PAM: variants seen among roughly 807,000 people sequenced by gnomAD.
The protein encoded by PAM is peptidyl-glycine alpha-amidating monooxygenase.
PAM carries 72 observed loss-of-function variants against 122.1 expected under a neutral mutation model. The ratio of observed to expected loss-of-function variants is 0.59; its 90% CI spans 0.49 to 0.72. PAM has a LOEUF of 0.72. Ranked by LOEUF, PAM falls within the 30% of genes least tolerant of loss-of-function variation. PAM has a pLI of 0.00. For synonymous variants in PAM, 389 were observed against 404.4 expected, an observed-to-expected ratio of 0.96 and a Z score of 0.46; for missense variants, 1,106 against 1,183.7, an observed-to-expected ratio of 0.93 and a Z score of 0.96.
chr5:102,803,124 A>AAAAAG (rs1444997528), intron 1 of PAM, among the ~76,000 whole-genome samples: 1 of 137,742 alleles, frequency 7.3e-6, no homozygotes, highest in East Asian at 2.7e-4. Flanking sequence ...TTCTGTGTCC[A>AAAAAG]AAAAAAAAGA....
At chr5:102,941,832 A>AC (rs1435812265) in intron 7 of PAM, among the ~76,000 whole-genome samples, 1 of 120,434 alleles carries the variant, frequency 8.3e-6, no homozygotes, top group Non-Finnish European at 1.7e-5. Flanking sequence ...TCCAGATGGT[A>AC]CAAAAAAAAA....
Position 102,924,947 on chromosome 5 carries a change from T to G in PAM, c.357-10T>G. 1 of 1,391,154 alleles carries G rather than the reference T, an allele frequency of 7.2e-7. No homozygotes were observed. The highest frequency in any genetic ancestry group is 1.0e-6 in the Non-Finnish European group (1 of 976,526). 86.2% of individuals were successfully genotyped at this position (1,391,154 alleles called of 1,614,324 possible). A position where few individuals can be genotyped will look rare whatever the true frequency, so the allele number is the denominator to read the frequency against. On this transcript the variant is annotated splice_polypyrimidine_tract_variant and intron_variant, in intron 5 of 25. Transcript: ENST00000438793. ...AAATCTTCATTTATACTACTTTTTA[T>G]TTTCTTCAGGTTTTGTGATGAAGGA...
intron 14 of PAM, among the ~76,000 whole-genome samples, chr5:102,967,847 T>C (rs183104892): frequency 8.6e-5 from 13 of 151,482 alleles, no homozygotes; most frequent in Non-Finnish European, 1.5e-5. Flanking sequence ...CTCAGCCTCC[T>C]GAGTAGCTGG....
At chr5:103,005,538 C>A (rs1446374988) in intron 18 of PAM, among the ~76,000 whole-genome samples, 1 of 152,138 alleles carries the variant, frequency 6.6e-6, no homozygotes, top group Non-Finnish European at 1.5e-5. Flanking sequence ...CTCATAGTAT[C>A]CTTGCATGGC....
intron 1 of PAM, among the ~76,000 whole-genome samples, chr5:102,845,759 A>T (rs1398618879): frequency 6.6e-6 from 1 of 152,200 alleles, no homozygotes; most frequent in East Asian, 1.9e-4. Context: ...TAGTGCTTTT[A>T]TCAGGCTTTA....
intron 1 of PAM, among the ~76,000 whole-genome samples, chr5:102,809,925 T>C (rs962046994): frequency 6.6e-6 from 1 of 152,176 alleles, no homozygotes; most frequent in African/African-American, 2.4e-5. Flanking sequence ...TGTTCATTGC[T>C]ATCAGAAAAT....
At chr5:102,994,201 A>G (rs1006843290) in intron 16 of PAM, among the ~76,000 whole-genome samples, 2 of 152,114 alleles carry the variant, frequency 1.3e-5, no homozygotes, top group Non-Finnish European at 2.9e-5. Flanking sequence ...AATTTTTTCA[A>G]TGCTAAGAAA....
At chr5:102,838,844 TA>T (rs1777782354) in intron 1 of PAM, among the ~76,000 whole-genome samples, 1 of 152,164 alleles carries the variant, frequency 6.6e-6, no homozygotes, top group African/African-American at 2.4e-5. Flanking sequence ...CACCTTTAAA[TA>T]TTCTTTAATA....
chr5:102,781,963 G>T (rs1391845951), intron 1 of PAM, among the ~76,000 whole-genome samples: 1 of 152,138 alleles, frequency 6.6e-6, no homozygotes. Flanking sequence ...AGGTCGTAAG[G>T]GTAAGTGGCT....
At chr5:102,920,155 C>T (rs1214627772) in intron 5 of PAM, among the ~76,000 whole-genome samples, 1 of 152,016 alleles carries the variant, frequency 6.6e-6, no homozygotes, top group African/African-American at 2.4e-5. Context: ...TCTGTTTTCT[C>T]ATCTGTAAAA....
chr5:102,924,845 T>C (rs1748869854), intron 5 of PAM, 112 bp from the exon 6 acceptor site: 6 of 666,524 alleles, frequency 9.0e-6, no homozygotes, highest in Non-Finnish European at 1.7e-5. Context: ...AATGATGATA[T>C]ATTGATGTAC....
rs574865925 is a variant in PAM, at chr5:102,784,503, T to G, written c.-374+29155T>G. ...ACTTATTACAAAAGTCACTAACGTTTGGTATTCATTACCTTAAACTCTGAT... is the reference window on the plus strand; with the variant it reads ...ACTTATTACAAAAGTCACTAACGTTGGGTATTCATTACCTTAAACTCTGAT... On this transcript the variant is annotated intron_variant, in intron 1 of 25. Transcript: ENST00000438793. 1.4e-4 allele frequency among the ~76,000 whole-genome samples: 22 copies of G among 152,340 alleles called. No individual in the cohort carries two copies. In the South Asian group the frequency reaches 4.6e-3, roughly 32 times the overall value.
downstream of PAM, chr5:103,030,481 T>C (rs1488272297): frequency 6.6e-6 from 1 of 152,206 alleles, no homozygotes; most frequent in Non-Finnish European, 1.5e-5. Flanking sequence ...AATTGACTAA[T>C]CATAAAGTAC....
chr5:103,007,160 G>A (rs573079841), intron 19 of PAM, 149 bp downstream of exon 19: 2 of 584,608 alleles, frequency 3.4e-6, no homozygotes, highest in Admixed American at 3.4e-5. Flanking sequence ...CAGTTAGCTT[G>A]TCTCTCACAC....
chr5:102,875,159 T>A (rs1213202634), intron 3 of PAM, among the ~76,000 whole-genome samples: 1 of 151,290 alleles, frequency 6.6e-6, no homozygotes, highest in Non-Finnish European at 1.5e-5. Context: ...AAACAAAATA[T>A]ATGTTACTGG....
intron 1 of PAM, among the ~76,000 whole-genome samples, chr5:102,770,014 G>A (rs1755266494): frequency 6.6e-6 from 1 of 151,852 alleles, no homozygotes. Context: ...TTGTGTATGT[G>A]TCTGTCCTCT....
At position 102,950,771 on chromosome 5, in the gene PAM, G is replaced by C; in HGVS notation, c.856G>C (p.Ala286Pro). Residue 286 changes from alanine (A) to proline (P), a missense_variant, in exon 12 of 26, where the codon GCA becomes CCA. Around this residue, in one of 3 missense-constraint regions of PAM, gnomAD observed 670 missense variants for 690.3 expected, o/e 0.97. Transcript: ENST00000438793. ...TGTAAGTTTTGGTGACCTACTGGCT[G>C]CAAGATGTGTATTCACTGGTGAAGG... ...VDVSFGDLLA[A>P]RCVFTGEGRT... 1 of 1,612,026 alleles carries C rather than the reference G, an allele frequency of 6.2e-7. No individual in the cohort carries two copies. Among genetic ancestry groups the C allele is most frequent in the Non-Finnish European group, 8.5e-7 (1 of 1,178,426 alleles).
At chr5:102,917,878 T>C (rs545694005) in intron 5 of PAM, among the ~76,000 whole-genome samples, 30 of 152,330 alleles carry the variant, frequency 2.0e-4, no homozygotes, top group Admixed American at 5.2e-4. Context: ...AGACACAGCA[T>C]GAAGCAGTTT....
At chr5:102,880,890 C>T (rs1024235896) in intron 3 of PAM, among the ~76,000 whole-genome samples, 1 of 151,914 alleles carries the variant, frequency 6.6e-6, no homozygotes, top group African/African-American at 2.4e-5. Context: ...TTAAAATAAA[C>T]TCATGGCAAG....
Sources: allele counts gnomAD v4.1 joint callset (sites outside exome capture counted in the v4.1 genomes callset), GRCh38; gene constraint gnomAD v4.1.1; regional missense constraint gnomAD v4.1.1; transcripts MANE v1.5; gene names NCBI Gene and HGNC (gene_info 2026-07-23, HGNC 2026-07-21).